The following CACNA2D1 variants were observed in gnomAD, a reference collection of about 807,000 sequenced individuals.
CACNA2D1 encodes the protein calcium voltage-gated channel auxiliary subunit alpha2delta 1, also known as voltage-dependent calcium channel subunit alpha-2/delta-1.
A neutral mutation model predicts 171.5 loss-of-function variants in CACNA2D1; 53 were observed. The ratio of observed to expected loss-of-function variants is 0.31; its 90% CI spans 0.25 to 0.39. CACNA2D1 has a LOEUF of 0.39. Ranked by LOEUF, CACNA2D1 falls within the 10% of genes least tolerant of loss-of-function variation. CACNA2D1 has a pLI of 1.00. For synonymous variants in CACNA2D1, 442 were observed against 443.1 expected, an observed-to-expected ratio of 1.00 and a Z score of 0.03; for missense variants, 903 against 1,299.8, an observed-to-expected ratio of 0.69 and a Z score of 4.69.
intron 1 of CACNA2D1, among the ~76,000 whole-genome samples, chr7:82,441,673 A>G (rs1830512332): frequency 6.6e-6 from 1 of 152,176 alleles, no homozygotes; most frequent in Non-Finnish European, 1.5e-5. Context: ...AGTTTTCCCC[A>G]ATGGTATGAT....
At chr7:82,443,816 G>A, upstream of CACNA2D1, 1 of 795,886 alleles carries the variant, frequency 1.3e-6, no homozygotes. Flanking sequence ...TCCCCCGATT[G>A]CCGAGGCGAA....
intron 1 of CACNA2D1, among the ~76,000 whole-genome samples, chr7:82,411,966 T>C (rs1032529105): frequency 2.0e-5 from 3 of 151,746 alleles, no homozygotes; most frequent in Admixed American, 2.0e-4. Flanking sequence ...AAAAACCCTC[T>C]TTCATAGTTA....
intron 2 of CACNA2D1, among the ~76,000 whole-genome samples, chr7:82,343,726 T>C (rs1005690057): frequency 7.9e-5 from 12 of 152,152 alleles, no homozygotes; most frequent in Non-Finnish European, 1.8e-4. Context: ...ATATATAAAT[T>C]TGAATACACA....
chr7:82,284,742 A>T (rs958751125), intron 3 of CACNA2D1, among the ~76,000 whole-genome samples: 2 of 152,152 alleles, frequency 1.3e-5, no homozygotes, highest in African/African-American at 4.8e-5. Flanking sequence ...GCCTCACCTC[A>T]TAATACCATC....
At chr7:82,064,406 G>C (rs1338614764) in intron 8 of CACNA2D1, 52 bp from the exon 9 acceptor site, 1 of 1,326,688 alleles carries the variant, frequency 7.5e-7, no homozygotes, top group African/African-American at 1.4e-5. Context: ...ATCAAACACT[G>C]ATATTTGTTG....
intron 5 of CACNA2D1, among the ~76,000 whole-genome samples, chr7:82,134,921 G>A (rs1335223970): frequency 6.6e-6 from 1 of 152,062 alleles, no homozygotes; most frequent in Non-Finnish European, 1.5e-5. Context: ...TGAAACTGGA[G>A]TGATAGTTAC....
At chr7:82,374,114 G>A (rs981934949) in intron 1 of CACNA2D1, among the ~76,000 whole-genome samples, 1 of 152,144 alleles carries the variant, frequency 6.6e-6, no homozygotes, top group African/African-American at 2.4e-5. Context: ...TAGCTTACTT[G>A]CCAGGGAACA....
At chr7:82,069,653 T>C (rs184525654) in intron 7 of CACNA2D1, among the ~76,000 whole-genome samples, 19 of 152,222 alleles carry the variant, frequency 1.2e-4, no homozygotes, top group African/African-American at 4.6e-4. Context: ...CTTGAGAAAG[T>C]ACGCAGATTT....
At chr7:82,043,697 G>A (rs765991011) in intron 10 of CACNA2D1, among the ~76,000 whole-genome samples, 7 of 152,112 alleles carry the variant, frequency 4.6e-5, no homozygotes, top group Non-Finnish European at 8.8e-5. Flanking sequence ...AATTTCCCCT[G>A]CTGAATATGA....
At chr7:82,159,488 A>G (rs146263655) in intron 4 of CACNA2D1, among the ~76,000 whole-genome samples, 134 of 151,944 alleles carry the variant, frequency 8.8e-4, no homozygotes, top group African/African-American at 3.1e-3. Context: ...CCATATCCAT[A>G]TTTTTCAAAA....
chr7:82,106,376 C>T (rs1787763801), intron 6 of CACNA2D1, among the ~76,000 whole-genome samples: 1 of 151,958 alleles, frequency 6.6e-6, no homozygotes, highest in African/African-American at 2.4e-5. Flanking sequence ...AAGATTATCT[C>T]TCTTCTTCAA....
At chr7:82,274,913 T>C (rs1809124835) in intron 3 of CACNA2D1, among the ~76,000 whole-genome samples, 1 of 152,106 alleles carries the variant, frequency 6.6e-6, no homozygotes, top group Non-Finnish European at 1.5e-5. Flanking sequence ...TTTTGTTCCA[T>C]GCATCATAAA....
chr7:82,304,690 C>T (rs1180478661), intron 3 of CACNA2D1, among the ~76,000 whole-genome samples: 1 of 151,804 alleles, frequency 6.6e-6, no homozygotes, highest in Non-Finnish European at 1.5e-5. Flanking sequence ...TGATAGATAA[C>T]CAGAGGCTAG....
intron 1 of CACNA2D1, among the ~76,000 whole-genome samples, chr7:82,429,851 A>C (rs1003658728): frequency 3.9e-5 from 6 of 152,202 alleles, no homozygotes; most frequent in African/African-American, 1.2e-4. Context: ...TTCTACACTT[A>C]TATCGACAGG....
chr7:82,361,885 T>G (rs780721236), intron 1 of CACNA2D1, among the ~76,000 whole-genome samples: 1 of 152,196 alleles, frequency 6.6e-6, no homozygotes, highest in Non-Finnish European at 1.5e-5. Flanking sequence ...TTACTGGAAT[T>G]TAAATTATTA....
intron 3 of CACNA2D1, among the ~76,000 whole-genome samples, chr7:82,271,360 A>T (rs1283108993): frequency 1.3e-5 from 2 of 152,132 alleles, no homozygotes; most frequent in African/African-American, 4.8e-5. Flanking sequence ...GCAGTAAATG[A>T]ATAAATTCTC....
At chr7:82,163,941 CTGCTG>C (rs1416396286) in intron 4 of CACNA2D1, among the ~76,000 whole-genome samples, 2 of 151,880 alleles carry the variant, frequency 1.3e-5, no homozygotes, top group Non-Finnish European at 1.5e-5. Flanking sequence ...AATAATTATG[CTGCTG>C]GAGATCACAG....
chr7:81,982,931 T>G (rs1488167793), intron 23 of CACNA2D1, among the ~76,000 whole-genome samples: 1 of 152,178 alleles, frequency 6.6e-6, no homozygotes, highest in Admixed American at 6.6e-5. Flanking sequence ...GTGATTGATA[T>G]GAATGTTATA....
intron 4 of CACNA2D1, among the ~76,000 whole-genome samples, chr7:82,165,737 A>C (rs1795393627): frequency 6.6e-6 from 1 of 152,006 alleles, no homozygotes; most frequent in African/African-American, 2.4e-5. Flanking sequence ...CAAGACTCTT[A>C]AAAAGCCGTA....
Sources: gnomAD v4.1 joint callset for allele counts (sites outside exome capture counted in the v4.1 genomes callset) on GRCh38, gnomAD v4.1.1 for gene constraint, MANE v1.5 for transcripts, NCBI Gene and HGNC (gene_info 2026-07-23, HGNC 2026-07-21) for gene names.